Variants in PLD5 observed in about 807,000 individuals in gnomAD.
PLD5 encodes the protein phospholipase D family member 5.
PLD5 carries 36 observed loss-of-function variants against 61.1 expected under a neutral mutation model. The ratio of observed to expected loss-of-function variants is 0.59; its 90% CI spans 0.45 to 0.78. The LOEUF (loss-of-function observed/expected upper bound fraction) is 0.78. Ranked by LOEUF, PLD5 falls within the 30% of genes least tolerant of loss-of-function variation. The pLI, the probability that PLD5 is intolerant of heterozygous loss-of-function variation, is 0.00. For synonymous variants in PLD5, 243 were observed against 242.8 expected (o/e 1.00, Z -0.01); for missense variants, 515 against 644.4 (o/e 0.80, Z 2.17).
chr1:242,212,042 T>A (rs534953754), intron 5 of PLD5, among the ~76,000 whole-genome samples: 31 of 152,226 alleles, frequency 2.0e-4, no homozygotes, highest in African/African-American at 7.0e-4. Flanking sequence ...GGTCCCAGTA[T>A]CATCTTTAAT....
intron 1 of PLD5, among the ~76,000 whole-genome samples, chr1:242,373,914 G>A (rs6698534): frequency 0.99 from 150,202 of 152,016 alleles, 74,230 homozygotes; most frequent in Non-Finnish European, 1. Flanking sequence ...ACATGTATAC[G>A]TATGTAACAA....
chr1:242,172,901 A>C (rs923512023), intron 5 of PLD5, among the ~76,000 whole-genome samples: 3 of 152,094 alleles, frequency 2.0e-5, no homozygotes, highest in African/African-American at 7.2e-5. Flanking sequence ...TATCAAACAA[A>C]AAAAAAAGTC....
intron 1 of PLD5, among the ~76,000 whole-genome samples, chr1:242,458,604 C>G (rs1667016157): frequency 6.6e-6 from 1 of 152,192 alleles, no homozygotes; most frequent in Non-Finnish European, 1.5e-5. Flanking sequence ...ACCTTGTCAC[C>G]TCAAAATATG....
chr1:242,267,910 G>GGAGGGGAGA (rs1673796736), intron 3 of PLD5, among the ~76,000 whole-genome samples: 1 of 151,186 alleles, frequency 6.6e-6, no homozygotes, highest in South Asian at 2.1e-4. Context: ...AAAAGAGGCA[G>GGAGGGGAGA]GAGGGGAGAG....
At chr1:242,274,315 T>C in intron 3 of PLD5, among the ~76,000 whole-genome samples, 1 of 152,210 alleles carries the variant, frequency 6.6e-6, no homozygotes, top group South Asian at 2.1e-4. Flanking sequence ...TGGAAGGCCA[T>C]GTGGGGGCGG....
At chr1:242,457,152 A>T (rs922312269) in intron 1 of PLD5, among the ~76,000 whole-genome samples, 2 of 152,176 alleles carry the variant, frequency 1.3e-5, no homozygotes, top group African/African-American at 4.8e-5. Context: ...TGAACTCGAA[A>T]CAGACAATGG....
intron 5 of PLD5, among the ~76,000 whole-genome samples, chr1:242,203,113 A>T (rs1363216512): frequency 1.3e-5 from 2 of 152,192 alleles, no homozygotes; most frequent in African/African-American, 4.8e-5. Flanking sequence ...GCAGGACTTG[A>T]TTAACGATGG....
intron 4 of PLD5, among the ~76,000 whole-genome samples, chr1:242,250,613 T>C (rs951254018): frequency 2.0e-5 from 3 of 152,216 alleles, no homozygotes; most frequent in African/African-American, 7.2e-5. Context: ...GTATTACTAA[T>C]CATAAAATAA....
intron 1 of PLD5, among the ~76,000 whole-genome samples, chr1:242,512,777 T>C (rs1028716049): frequency 9.2e-5 from 14 of 152,240 alleles, no homozygotes; most frequent in African/African-American, 3.4e-4. Context: ...CCTTGTATAT[T>C]ACCTTCTTCA....
At chr1:242,305,999 A>G (rs550641182) in intron 2 of PLD5, among the ~76,000 whole-genome samples, 1 of 152,294 alleles carries the variant, frequency 6.6e-6, no homozygotes, top group African/African-American at 2.4e-5. Context: ...AGGACCCGCC[A>G]CCTGGACCCA....
chr1:242,156,638 TG>T, intron 5 of PLD5, among the ~76,000 whole-genome samples: 1 of 152,332 alleles, frequency 6.6e-6, no homozygotes, highest in Non-Finnish European at 1.5e-5. Flanking sequence ...TATGAAATTC[TG>T]GGTTGAAAAT....
intron 1 of PLD5, among the ~76,000 whole-genome samples, chr1:242,382,746 T>A (rs1035128678): frequency 3.3e-5 from 5 of 152,092 alleles, no homozygotes; most frequent in Non-Finnish European, 2.9e-5. Context: ...ATAAAACAGT[T>A]AAGACATTTA....
chr1:242,494,058 T>C (rs1196463198), intron 1 of PLD5, among the ~76,000 whole-genome samples: 1 of 95,510 alleles, frequency 1.0e-5, no homozygotes, highest in African/African-American at 3.9e-5. Flanking sequence ...GCTTCATGTT[T>C]CCCTTCCCTC....
intron 1 of PLD5, among the ~76,000 whole-genome samples, chr1:242,514,072 C>T (rs904389546): frequency 1.3e-5 from 2 of 152,230 alleles, no homozygotes; most frequent in Non-Finnish European, 2.9e-5. Context: ...CATGCCACCA[C>T]ATTTTCTGAA....
intron 4 of PLD5, among the ~76,000 whole-genome samples, chr1:242,263,382 A>G (rs1164049302): frequency 6.6e-6 from 1 of 152,034 alleles, no homozygotes; most frequent in Non-Finnish European, 1.5e-5. Flanking sequence ...ATAACCCTTA[A>G]GCAAGATATT....
chr1:242,227,261 G>A (rs957275427), intron 4 of PLD5, among the ~76,000 whole-genome samples: 12 of 151,812 alleles, frequency 7.9e-5, no homozygotes, highest in African/African-American at 2.7e-4. Context: ...TATTGCTCAG[G>A]CTGGCCTTGA....
chr1:242,204,112 G>A (rs1301538851), intron 5 of PLD5, among the ~76,000 whole-genome samples: 6 of 151,720 alleles, frequency 4.0e-5, no homozygotes, highest in Admixed American at 6.6e-5. Context: ...GTGTGGTGGC[G>A]GGCGCCTGTA....
In PLD5 at chr1:242,284,119, CTTTTTTTT is replaced by C. The variant is rs565165218; in HGVS notation, c.495+4235_495+4242del. Among the ~76,000 whole-genome samples the C allele has an allele frequency of 1.6e-4, 12 of 75,948 alleles. 1 individual carries two copies. Among genetic ancestry groups the C allele is most frequent in the East Asian group, 1.3e-3 (3 of 2,342 alleles). The allele number at this position is 75,948 out of a possible 152,430, so 49.8% of individuals were successfully genotyped here. ...TCTAAAAATAATCTTTTTCTTTTTC[CTTTTTTTT>C]TTTTTTTTTTTTTTTTTTTTTTTAT... is the stretch of plus-strand genomic sequence containing the variant. On this transcript the variant is annotated intron_variant, in intron 3 of 9. Coordinates refer to ENST00000536534, the MANE Select transcript of PLD5 (RefSeq NM_001372062.1).
Position 242,168,846 on chromosome 1 carries a change from G to GTTTTTTTTTTTTTTTTTTTT in PLD5, c.736-44201_736-44182dup, listed in dbSNP as rs34280777. 1.9e-3 allele frequency among the ~76,000 whole-genome samples: 209 copies of GTTTTTTTTTTTTTTTTTTTT among 111,266 alleles called. 21 individuals carry two copies. Among genetic ancestry groups the GTTTTTTTTTTTTTTTTTTTT allele is most frequent in the African/African-American group, 2.5e-3 (66 of 26,786 alleles). The allele number at this position is 111,266 out of a possible 152,430, so 73.0% of individuals were successfully genotyped here. ...TCCATGACAGTTTTTAATTAATGAA[G>GTTTTTTTTTTTTTTTTTTTT]TTTTTTTTTTTTTTTTTTTTACCAC... On this transcript the variant is annotated intron_variant, in intron 5 of 9. Coordinates refer to ENST00000536534, the MANE Select transcript of PLD5 (RefSeq NM_001372062.1).
Sources: gnomAD v4.1 joint callset for allele counts (sites outside exome capture counted in the v4.1 genomes callset) on GRCh38, gnomAD v4.1.1 for gene constraint, MANE v1.5 for transcripts, NCBI Gene and HGNC (gene_info 2026-07-23, HGNC 2026-07-21) for gene names.